The following SPOCK1 variants were observed in gnomAD, a reference collection of about 807,000 sequenced individuals.
The protein encoded by SPOCK1 is SPARC (osteonectin), cwcv and kazal like domains proteoglycan 1, also known as testican-1.
SPOCK1 carries 23 observed loss-of-function variants against 55.3 expected under a neutral mutation model. The ratio of observed to expected loss-of-function variants is 0.42; its 90% CI spans 0.30 to 0.59. The LOEUF is 0.59. Among genes scored for constraint, SPOCK1 ranks in the 20% least tolerant of loss-of-function variants. The pLI is 0.22. For missense variants in SPOCK1, 499 were observed against 552.5 expected (o/e 0.90, Z 0.97); for synonymous variants, 226 against 221.0 (o/e 1.02, Z -0.20).
intron 5 of SPOCK1, among the ~76,000 whole-genome samples, chr5:137,083,294 A>G (rs761800801): frequency 6.6e-6 from 1 of 152,208 alleles, no homozygotes; most frequent in African/African-American, 2.4e-5. Flanking sequence ...AATCCTCGGG[A>G]GCCACATTGC....
intron 2 of SPOCK1, among the ~76,000 whole-genome samples, chr5:137,497,593 T>A (rs7730850): frequency 0.19 from 29,572 of 152,030 alleles, 3,052 homozygotes; most frequent in Admixed American, 0.27. Flanking sequence ...TTGCCCCACA[T>A]CCCTGGGGCA....
At chr5:137,327,823 G>A (rs1012042973) in intron 2 of SPOCK1, among the ~76,000 whole-genome samples, 1 of 152,200 alleles carries the variant, frequency 6.6e-6, no homozygotes, top group African/African-American at 2.4e-5. Flanking sequence ...TGCTGGAAAG[G>A]CATGCCCATT....
rs779768564 is a variant in SPOCK1, at chr5:137,030,309, C to T, written c.589+37406G>A. Reference sequence around the variant, plus strand: ...TATCCAACAAACATTTATTTTTGGACAAATGAGCGGTTTAAAGGTCTGATC... The same window carrying T: ...TATCCAACAAACATTTATTTTTGGATAAATGAGCGGTTTAAAGGTCTGATC... On this transcript the variant is annotated intron_variant, in intron 6 of 10. Transcript: ENST00000394945. Among the ~76,000 whole-genome samples, 195 of 152,306 alleles carry T rather than the reference C, an allele frequency of 1.3e-3. 1 individual carries two copies. Among genetic ancestry groups the T allele is most frequent in the Non-Finnish European group, 2.2e-3 (152 of 68,020 alleles).
At chr5:137,332,371 A>G (rs139666992) in intron 2 of SPOCK1, among the ~76,000 whole-genome samples, 55 of 152,258 alleles carry the variant, frequency 3.6e-4, no homozygotes, top group African/African-American at 1.3e-3. Flanking sequence ...GCTTAGGTTC[A>G]TCGCTCATCT....
At chr5:137,122,255 A>ACG (rs1554098651) in intron 4 of SPOCK1, among the ~76,000 whole-genome samples, 20 of 109,618 alleles carry the variant, frequency 1.8e-4, no homozygotes, top group Non-Finnish European at 2.6e-4. Flanking sequence ...ACACACACAC[A>ACG]CGCACACACA....
chr5:137,173,844 C>T (rs1754802563), intron 3 of SPOCK1, among the ~76,000 whole-genome samples: 1 of 152,164 alleles, frequency 6.6e-6, no homozygotes, highest in Admixed American at 6.5e-5. Flanking sequence ...CTTCTATATA[C>T]CTGGCACCAT....
At chr5:137,229,903 C>T (rs1756016209) in intron 3 of SPOCK1, among the ~76,000 whole-genome samples, 1 of 152,140 alleles carries the variant, frequency 6.6e-6, no homozygotes, top group Non-Finnish European at 1.5e-5. Flanking sequence ...GGAGGCAGAG[C>T]TCAGGCAGTA....
intron 2 of SPOCK1, among the ~76,000 whole-genome samples, chr5:137,468,232 G>C (rs1343354831): frequency 1.3e-5 from 2 of 152,164 alleles, no homozygotes. Context: ...TGCAGTTAAA[G>C]AGAACAGAGG....
intron 3 of SPOCK1, among the ~76,000 whole-genome samples, chr5:137,260,822 T>C (rs1756729863): frequency 6.6e-6 from 1 of 152,232 alleles, no homozygotes; most frequent in Non-Finnish European, 1.5e-5. Context: ...TAGGACTATC[T>C]TATTGTCACA....
intron 2 of SPOCK1, among the ~76,000 whole-genome samples, chr5:137,291,448 G>C (rs770670389): frequency 2.0e-5 from 3 of 152,176 alleles, no homozygotes; most frequent in Non-Finnish European, 2.9e-5. Flanking sequence ...CACCTGAAAG[G>C]TCAGTAAGAT....
chr5:137,475,398 T>C (rs1369797720), intron 2 of SPOCK1, among the ~76,000 whole-genome samples: 1 of 152,174 alleles, frequency 6.6e-6, no homozygotes, highest in Non-Finnish European at 1.5e-5. Flanking sequence ...AAAAAACAGT[T>C]ACATACAATG....
chr5:137,074,046 T>C (rs1187211070), intron 5 of SPOCK1, among the ~76,000 whole-genome samples: 1 of 151,978 alleles, frequency 6.6e-6, no homozygotes, highest in Non-Finnish European at 1.5e-5. Flanking sequence ...ATTAAAAAGG[T>C]TGAACCCGAC....
In SPOCK1 at chr5:137,025,744, G is replaced by C. The variant is rs1171059721; in HGVS notation, c.590-33144C>G. ...AAAACTGAATGAAAAGTGATACAAA[G>C]GGTACCATGAAATAAACTAGCATAC... On this transcript the variant is annotated intron_variant, in intron 6 of 10. Coordinates refer to ENST00000394945, the MANE Select transcript of SPOCK1 (RefSeq NM_004598.4). Among the ~76,000 whole-genome samples, 4 of 152,134 alleles carry C rather than the reference G, an allele frequency of 2.6e-5. No homozygotes were observed. In the East Asian group the frequency reaches 7.7e-4, roughly 29 times the overall value.
chr5:137,209,066 C>T (rs984427312), intron 3 of SPOCK1, among the ~76,000 whole-genome samples: 3 of 152,136 alleles, frequency 2.0e-5, no homozygotes, highest in African/African-American at 7.2e-5. Context: ...TAATTAAGTG[C>T]TTGTTTTATA....
chr5:137,156,773 G>A (rs987770171), intron 3 of SPOCK1, among the ~76,000 whole-genome samples: 5 of 152,090 alleles, frequency 3.3e-5, no homozygotes, highest in African/African-American at 4.8e-5. Flanking sequence ...AACTTGTTGA[G>A]AGAAGAACCA....
chr5:137,089,995 G>GT (rs1753025610), intron 5 of SPOCK1, among the ~76,000 whole-genome samples: 2 of 152,166 alleles, frequency 1.3e-5, no homozygotes, highest in Non-Finnish European at 2.9e-5. Flanking sequence ...ACCATGCCAG[G>GT]TGTAAGCACT....
chr5:137,212,651 T>C (rs1209206983), intron 3 of SPOCK1, among the ~76,000 whole-genome samples: 1 of 152,204 alleles, frequency 6.6e-6, no homozygotes, highest in Non-Finnish European at 1.5e-5. Flanking sequence ...GGTTACTTTT[T>C]TAGTCCATGA....
intron 5 of SPOCK1, among the ~76,000 whole-genome samples, chr5:137,087,047 C>A (rs1336771022): frequency 4.6e-5 from 7 of 152,198 alleles, no homozygotes; most frequent in Admixed American, 4.6e-4. Flanking sequence ...AACAAGCTGT[C>A]ATTTCCCCAG....
chr5:137,123,622 CA>C (rs1449169513), intron 4 of SPOCK1, among the ~76,000 whole-genome samples: 2 of 152,052 alleles, frequency 1.3e-5, no homozygotes, highest in African/African-American at 4.8e-5. Flanking sequence ...TTGAAGTTAT[CA>C]AGAAAAAGCC....
Sources: allele counts gnomAD v4.1 joint callset (sites outside exome capture counted in the v4.1 genomes callset), GRCh38; gene constraint gnomAD v4.1.1; transcripts MANE v1.5; gene names NCBI Gene and HGNC (gene_info 2026-07-23, HGNC 2026-07-21).